The following CTNNA2 variants were observed in gnomAD, a reference collection of about 807,000 sequenced individuals.
CTNNA2 encodes the protein catenin alpha 2.
A neutral mutation model predicts 101.0 loss-of-function variants in CTNNA2; 42 were observed. The ratio of observed to expected loss-of-function variants is 0.42; its 90% CI spans 0.32 to 0.54. The LOEUF is 0.54. CTNNA2 is among the 20% of genes least tolerant of loss of function. The probability of loss-of-function intolerance (pLI) is 0.14; values close to 1 mark genes in which losing one functional copy is unlikely to be tolerated. For missense variants in CTNNA2, 871 were observed against 1,223.1 expected, an observed-to-expected ratio of 0.71 and a Z score of 4.29; for synonymous variants, 450 against 456.4, an observed-to-expected ratio of 0.99 and a Z score of 0.18.
At chr2:80,164,129 T>G (rs908841890) in intron 7 of CTNNA2, among the ~76,000 whole-genome samples, 18 of 151,984 alleles carry the variant, frequency 1.2e-4, no homozygotes, top group African/African-American at 3.9e-4. Flanking sequence ...TTAATTGGCA[T>G]ATTTAGGTTA....
chr2:79,949,950 G>C (rs140833648), intron 7 of CTNNA2, among the ~76,000 whole-genome samples: 3 of 151,922 alleles, frequency 2.0e-5, no homozygotes, highest in African/African-American at 7.3e-5. Context: ...TTTTCTGAAC[G>C]TTTATAGAAA....
At chr2:80,222,110 C>G (rs1708608414) in intron 7 of CTNNA2, among the ~76,000 whole-genome samples, 1 of 152,126 alleles carries the variant, frequency 6.6e-6, no homozygotes, top group South Asian at 2.1e-4. Context: ...AACACAAGGG[C>G]ATTTGTCAAT....
chr2:79,317,970 G>T (rs879232865), intron 3 of CTNNA2, among the ~76,000 whole-genome samples: 2 of 151,982 alleles, frequency 1.3e-5, no homozygotes, highest in African/African-American at 4.8e-5. Context: ...AACAAGATTA[G>T]AGTAAAATAT....
intron 7 of CTNNA2, among the ~76,000 whole-genome samples, chr2:80,284,464 C>G (rs1417604341): frequency 6.6e-6 from 1 of 152,114 alleles, no homozygotes; most frequent in Non-Finnish European, 1.5e-5. Flanking sequence ...TTTTCTCTCT[C>G]CATCCTGATA....
At chr2:80,549,024 A>G (rs1558575452) in intron 11 of CTNNA2, among the ~76,000 whole-genome samples, 1 of 152,186 alleles carries the variant, frequency 6.6e-6, no homozygotes, top group Non-Finnish European at 1.5e-5. Context: ...ATCTGATATT[A>G]AATTTGTCCA....
intron 1 of CTNNA2, among the ~76,000 whole-genome samples, chr2:79,517,511 CAGACCAT>C (rs1671870886): frequency 6.6e-6 from 1 of 152,110 alleles, no homozygotes; most frequent in African/African-American, 2.4e-5. Context: ...TAAAAACTAA[CAGACCAT>C]AGACTGTAGT....
rs117898059 is a variant in CTNNA2, at chr2:80,398,916, C to A, written c.1137+5625C>A. Among the ~76,000 whole-genome samples the A allele has an allele frequency of 8.1e-4, 122 of 151,328 alleles. No homozygotes were observed. In the East Asian group the frequency reaches 0.017, roughly 20 times the overall value. ...AATCAGAAACACCAAAAATTAGAAT[C>A]AAAAATACCAGGAGGAGCGGAGCAG... On this transcript the variant is annotated intron_variant, in intron 8 of 18. Coordinates refer to ENST00000402739, the MANE Select transcript of CTNNA2 (RefSeq NM_001282597.3).
intron 2 of CTNNA2, among the ~76,000 whole-genome samples, chr2:79,310,040 T>G (rs1676331522): frequency 2.0e-5 from 3 of 152,194 alleles, no homozygotes; most frequent in Admixed American, 2.0e-4. Context: ...AAGATACTAT[T>G]GATTTATTTA....
intron 7 of CTNNA2, among the ~76,000 whole-genome samples, chr2:80,285,952 C>T (rs1225207235): frequency 6.6e-6 from 1 of 152,082 alleles, no homozygotes; most frequent in Admixed American, 6.6e-5. Flanking sequence ...CTTGATGCTT[C>T]CTCTTACCAG....
intron 8 of CTNNA2, among the ~76,000 whole-genome samples, chr2:80,414,926 C>T (rs1325370622): frequency 6.6e-6 from 1 of 152,018 alleles, no homozygotes; most frequent in Non-Finnish European, 1.5e-5. Flanking sequence ...CTGGATGGGG[C>T]CTTGGTTTTG....
At chr2:80,581,868 C>A (rs766508354) in intron 14 of CTNNA2, 49 bp downstream of exon 14, 24 of 1,108,278 alleles carry the variant, frequency 2.2e-5, no homozygotes, top group Non-Finnish European at 3.2e-5. Flanking sequence ...ACCGTGTTTA[C>A]TAAAATGGTT....
At chr2:80,419,997 C>T (rs1680377284) in intron 9 of CTNNA2, among the ~76,000 whole-genome samples, 1 of 139,264 alleles carries the variant, frequency 7.2e-6, no homozygotes, top group South Asian at 2.3e-4. Flanking sequence ...CCACTCCACC[C>T]AGTGGTGCCT....
At chr2:79,473,794 G>A (rs13393646) in intron 4 of CTNNA2, among the ~76,000 whole-genome samples, 1 of 152,022 alleles carries the variant, frequency 6.6e-6, no homozygotes, top group Non-Finnish European at 1.5e-5. Context: ...ACAAAAACTT[G>A]GATCTACTGA....
At chr2:79,722,361 T>C (rs1345090750) in intron 2 of CTNNA2, among the ~76,000 whole-genome samples, 1 of 152,182 alleles carries the variant, frequency 6.6e-6, no homozygotes. Context: ...TGGATTTGTT[T>C]TGTTGGAGGA....
chr2:79,414,943 G>C (rs554986936), intron 4 of CTNNA2, among the ~76,000 whole-genome samples: 6 of 152,234 alleles, frequency 3.9e-5, no homozygotes, highest in Non-Finnish European at 8.8e-5. Flanking sequence ...ACAGAATTTT[G>C]AGCAAATACA....
chr2:79,419,613 G>T lies in CTNNA2; in HGVS notation c.-135+45600G>T, dbSNP rs116658720. Reference sequence around the variant, plus strand: ...TGGTTTAAATAAAATTTTGAGTTTAGATATAAAATTTATTAATGTTCTACA... The same window carrying T: ...TGGTTTAAATAAAATTTTGAGTTTATATATAAAATTTATTAATGTTCTACA... On this transcript the variant is annotated intron_variant, in intron 4 of 21. Coordinates refer to the CTNNA2 transcript ENST00000466387. Among the ~76,000 whole-genome samples, 956 of 152,104 alleles carry T rather than the reference G, an allele frequency of 6.3e-3. 5 individuals carry two copies. The highest frequency in any genetic ancestry group is 0.012 in the Admixed American group (188 of 15,278).
intron 11 of CTNNA2, among the ~76,000 whole-genome samples, chr2:80,549,118 C>A (rs1159268028): frequency 2.0e-5 from 3 of 152,096 alleles, no homozygotes; most frequent in Non-Finnish European, 4.4e-5. Flanking sequence ...GTGGCCTATG[C>A]ACATAAAAAA....
chr2:79,997,697 G>C (rs2103939877), intron 7 of CTNNA2, among the ~76,000 whole-genome samples: 1 of 152,292 alleles, frequency 6.6e-6, no homozygotes. Context: ...AGAAGCCACT[G>C]CTTCTCAGAA....
chr2:79,478,586 T>C (rs1393275393), intron 4 of CTNNA2, among the ~76,000 whole-genome samples: 4 of 152,170 alleles, frequency 2.6e-5, no homozygotes, highest in African/African-American at 7.2e-5. Flanking sequence ...ACTTACCCAA[T>C]TGACACTGGC....
Sources: gnomAD v4.1 joint callset for allele counts (sites outside exome capture counted in the v4.1 genomes callset) on GRCh38, gnomAD v4.1.1 for gene constraint, MANE v1.5 for transcripts, NCBI Gene and HGNC (gene_info 2026-07-23, HGNC 2026-07-21) for gene names.